PHC1: variants seen among roughly 807,000 people sequenced by gnomAD.
PHC1 encodes the protein polyhomeotic-like protein 1.
In PHC1, 12 loss-of-function variants were observed where a neutral mutation model predicts 104.3. The ratio of observed to expected loss-of-function variants is 0.12; its 90% CI spans 0.07 to 0.19. The LOEUF is 0.19. Among genes scored for constraint, PHC1 ranks in the 10% least tolerant of loss-of-function variants. PHC1 has a pLI of 1.00. For missense variants in PHC1, 671 were observed against 1,200.0 expected, an observed-to-expected ratio of 0.56 and a Z score of 6.51; for synonymous variants, 302 against 455.8, an observed-to-expected ratio of 0.66 and a Z score of 4.30.
intron 1 of PHC1, among the ~76,000 whole-genome samples, chr12:8,917,279 T>G (rs567382290): frequency 2.0e-5 from 3 of 152,132 alleles, no homozygotes; most frequent in Non-Finnish European, 4.4e-5. Flanking sequence ...AACCAAAACT[T>G]TTAAGTGGAA....
chr12:8,930,640 A>G lies in PHC1; in HGVS notation c.818A>G (p.Asn273Ser), dbSNP rs1351522056. The change falls in exon 7 of 15, where the codon AAT becomes AGT. Residue 273 changes from asparagine to serine, a missense_variant. Coordinates refer to ENST00000544916, the MANE Select transcript of PHC1 (RefSeq NM_004426.3). ...AGTCAAGCTGGTGGAGGCAGTGGGA[A>G]TAGCATCCCAGGGTCCATGGGTCCA... The part of the protein sequence containing the change: ...NLSQAGGGSG[N>S]SIPGSMGPGG... The G allele has an allele frequency of 7.5e-6, 11 of 1,457,548 alleles. No individual in the cohort carries two copies. The highest frequency in any genetic ancestry group is 2.1e-4 in the Middle Eastern group (1 of 4,730). 90.3% of individuals were successfully genotyped at this position (1,457,548 alleles called of 1,614,324 possible).
chr12:8,926,612 T>C lies in PHC1; in HGVS notation c.613-3823T>C, dbSNP rs772641795. The stretch of plus-strand genomic sequence containing the variant: ...CTCCAGCCTGGTCAACAGAGGAGAC[T>C]CCATCTTAAAAAAAAAGGCCAGCGC... On this transcript the variant is annotated intron_variant, in intron 6 of 14. Coordinates refer to ENST00000544916, the MANE Select transcript of PHC1 (RefSeq NM_004426.3). 2.1e-3 allele frequency among the ~76,000 whole-genome samples: 295 copies of C among 137,718 alleles called. 2 individuals are homozygous for C. The highest frequency in any genetic ancestry group is 7.8e-3 in the African/African-American group (278 of 35,844). The allele number at this position is 137,718 out of a possible 152,430, so 90.3% of individuals were successfully genotyped here.
intron 6 of PHC1, among the ~76,000 whole-genome samples, chr12:8,929,374 G>A (rs778832904): frequency 6.6e-6 from 1 of 151,970 alleles, no homozygotes; most frequent in Non-Finnish European, 1.5e-5. Context: ...TACTGGCCCA[G>A]CACCTTCCTA....
At position 8,919,936 on chromosome 12, in the gene PHC1, T is replaced by C; in HGVS notation, c.225+70T>C. The C allele has an allele frequency of 6.4e-7, 1 of 1,559,564 alleles. No homozygotes were observed. Among genetic ancestry groups the C allele is most frequent in the South Asian group, 1.2e-5 (1 of 85,070 alleles). On this transcript the variant is annotated intron_variant, in intron 3 of 14. Transcript: ENST00000544916. This position sits in a 1 kb window ranked among gnomAD's most constrained non-coding sequence, Gnocchi z 4.9. ...ACTACAGGTGGGTAGGGGAGATTTT[T>C]TGGGCATATAGCATCCTATACTAAG...
At position 8,919,166 on chromosome 12, in the gene PHC1, TCTC is replaced by T. The variant is rs749159729; in HGVS notation, c.115-587_115-585del. 5.3e-5 allele frequency among the ~76,000 whole-genome samples: 8 copies of T among 152,276 alleles called. No homozygotes were observed. Among genetic ancestry groups the T allele is most frequent in the African/African-American group, 1.9e-4 (8 of 41,550 alleles). On this transcript the variant is annotated intron_variant, in intron 2 of 14. Coordinates refer to ENST00000544916, the MANE Select transcript of PHC1 (RefSeq NM_004426.3). The surrounding 1 kb of genome is among the most constrained non-coding windows in gnomAD (Gnocchi z 4.9). ...CCTCTGCCTCCCAGGTTCAAGCAATTCTCCTACCTCAGCCTCCCTAGTAGTTGG... is the reference window on the plus strand; with the variant it reads ...CCTCTGCCTCCCAGGTTCAAGCAATTCTACCTCAGCCTCCCTAGTAGTTGG...
In PHC1 at chr12:8,921,232, A is replaced by G. The variant is rs1045265468; in HGVS notation, c.306+167A>G. ...AGGGGAAAGTAACCAACATTAATCT[A>G]TATTGGAGTCTCTAAAGAGGAAGTC... On this transcript the variant is annotated intron_variant, in intron 4 of 14. Transcript: ENST00000544916. Among the ~76,000 whole-genome samples, 29 of 152,206 alleles carry G rather than the reference A, an allele frequency of 1.9e-4. 1 individual carries two copies. Among genetic ancestry groups the G allele is most frequent in the Admixed American group, 2.0e-4 (3 of 15,284 alleles).
intron 6 of PHC1, among the ~76,000 whole-genome samples, chr12:8,924,564 G>T (rs963907818): frequency 6.6e-6 from 1 of 152,222 alleles, no homozygotes; most frequent in African/African-American, 2.4e-5. Context: ...ACTTTGCAAT[G>T]CCTTATTGGG....
At chr12:8,937,014 A>G (rs775658468) in intron 12 of PHC1, 50 bp downstream of exon 12, 6 of 1,411,466 alleles carry the variant, frequency 4.3e-6, no homozygotes, top group African/African-American at 2.8e-5. Context: ...TCTCCATCTA[A>G]TGTTACACCC....
chr12:8,934,519 T>G, intron 10 of PHC1, 41 bp downstream of exon 10: 1 of 1,439,216 alleles, frequency 6.9e-7, no homozygotes. Flanking sequence ...AAGTGGGGAC[T>G]TGGTCTGATT....
intron 11 of PHC1, among the ~76,000 whole-genome samples, chr12:8,935,461 A>C (rs755425194): frequency 6.6e-6 from 1 of 152,232 alleles, no homozygotes; most frequent in East Asian, 1.9e-4. Context: ...CCCTGTCTCT[A>C]CTACAAATAC....
At chr12:8,932,490 T>G in intron 7 of PHC1, 73 bp from the exon 8 acceptor site, 1 of 1,511,176 alleles carries the variant, frequency 6.6e-7, no homozygotes, top group Non-Finnish European at 9.0e-7. Flanking sequence ...AAAATGAATT[T>G]ACTTTTAATT....
At chr12:8,930,003 C>G (rs1459837724) in intron 6 of PHC1, among the ~76,000 whole-genome samples, 2 of 152,150 alleles carry the variant, frequency 1.3e-5, no homozygotes, top group Non-Finnish European at 2.9e-5. Context: ...GGGTGCATAT[C>G]TATACATCTT....
In PHC1 at chr12:8,933,988, A is replaced by G; in HGVS notation, c.2017A>G (p.Met673Val). The G allele has an allele frequency of 1.2e-6, 2 of 1,614,182 alleles. No individual in the cohort carries two copies. The highest frequency in any genetic ancestry group is 8.5e-7 in the Non-Finnish European group (1 of 1,179,986). Residue 673 changes from methionine (M) to valine (V), a missense_variant, in exon 9 of 15, where the codon ATG becomes GTG. This residue lies in a region of PHC1 where 95 missense variants were observed against 108.8 expected (regional missense o/e 0.87). Transcript: ENST00000544916. ...ASPVAESPKV[M>V]DEKSSLGEKA... ...TCCAGTAGCAGAAAGCCCAAAAGTC[A>G]TGGACGAGAAGAGCAGTCTTGGAGG...
At position 8,919,913 on chromosome 12, in the gene PHC1, T is replaced by C. The variant is rs769047420; in HGVS notation, c.225+47T>C. 4 of 1,576,522 alleles carry C rather than the reference T, an allele frequency of 2.5e-6. No homozygotes were observed. The South Asian group carries it at 4.6e-5, about 18-fold the overall frequency. ...GGCCCGAGAGGGAGGGGACAGGCAC[T>C]ACAGGTGGGTAGGGGAGATTTTTTG... On this transcript the variant is annotated intron_variant, in intron 3 of 14. Coordinates refer to ENST00000544916, the MANE Select transcript of PHC1 (RefSeq NM_004426.3). This position sits in a 1 kb window ranked among gnomAD's most constrained non-coding sequence, Gnocchi z 4.9.
chr12:8,925,201 A>G (rs1945482515), intron 6 of PHC1, among the ~76,000 whole-genome samples: 1 of 152,210 alleles, frequency 6.6e-6, no homozygotes, highest in Non-Finnish European at 1.5e-5. Flanking sequence ...TCTGTAAAAT[A>G]GGTATTGTAA....
chr12:8,927,041 C>A (rs1339154486), intron 6 of PHC1, among the ~76,000 whole-genome samples: 1 of 152,144 alleles, frequency 6.6e-6, no homozygotes, highest in Non-Finnish European at 1.5e-5. Context: ...CGTGGGCTGA[C>A]AGAGGCGAAT....
Position 8,921,687 on chromosome 12 carries a change from T to C in PHC1, c.393T>C (p.Ser131=). The change falls in exon 5 of 15, where the codon TCT becomes TCC. Residue 131 remains serine, a synonymous_variant. Coordinates refer to ENST00000544916, the MANE Select transcript of PHC1 (RefSeq NM_004426.3). ...CCAGTGCTACCACCTTGACCCAATC[T>C]GTGCTACTGGGGAACACCACCTCCC... ...SSPSATTLTQ[S]VLLGNTTSPP... is the part of the protein sequence containing the mutation. 6.2e-7 allele frequency: 1 copy of C among 1,613,504 alleles called. No homozygotes were observed. The highest frequency in any genetic ancestry group is 1.1e-5 in the South Asian group (1 of 90,970).
rs200063610 is a variant in PHC1, at chr12:8,930,568, C to T, written c.746C>T (p.Ala249Val). 0.021 allele frequency: 33,379 copies of T among 1,569,074 alleles called. 467 individuals are homozygous for T. The highest frequency in any genetic ancestry group is 0.038 in the Middle Eastern group (228 of 5,930). ...TCCCAGGCCTCTAGCCAGGCCCTAG[C>T]GGTGGCACAGGCTTCCTCTGGGGCC... is the stretch of plus-strand genomic sequence containing the variant. ...SLSQASSQAL[A>V]VAQASSGATN... Residue 249 changes from alanine (A) to valine (V), a missense_variant, in exon 7 of 15, where the codon GCG (alanine) becomes GTG (valine). This residue lies in a region of PHC1 where 237 missense variants were observed against 331.1 expected (regional missense o/e 0.72). Coordinates refer to ENST00000544916, the MANE Select transcript of PHC1 (RefSeq NM_004426.3).
intron 7 of PHC1, among the ~76,000 whole-genome samples, chr12:8,931,295 G>A (rs1264164497): frequency 1.3e-5 from 2 of 152,174 alleles, no homozygotes; most frequent in East Asian, 3.8e-4. Flanking sequence ...TAGATTCCCT[G>A]TCTTCATGTA....
Sources: allele counts gnomAD v4.1 joint callset (sites outside exome capture counted in the v4.1 genomes callset), GRCh38; gene constraint gnomAD v4.1.1; regional missense constraint gnomAD v4.1.1; non-coding constraint Gnocchi (gnomAD v3.1); transcripts MANE v1.5; gene names NCBI Gene and HGNC (gene_info 2026-07-23, HGNC 2026-07-21).